NEO1: variants seen among roughly 807,000 people sequenced by gnomAD.
NEO1 encodes the protein neogenin.
A neutral mutation model predicts 159.7 loss-of-function variants in NEO1; 63 were observed. The ratio of observed to expected loss-of-function variants is 0.39; its 90% confidence interval spans 0.32 to 0.49. The LOEUF (loss-of-function observed/expected upper bound fraction) is 0.49, where lower values mean the gene tolerates loss of function less well. Among genes scored for constraint, NEO1 ranks in the 20% least tolerant of loss-of-function variants. The probability of loss-of-function intolerance (pLI) is 0.85; values close to 1 mark genes in which losing one functional copy is unlikely to be tolerated. For missense variants in NEO1, 1,615 were observed against 1,831.0 expected, an observed-to-expected ratio of 0.88 and a Z score of 2.15; for synonymous variants, 633 against 662.0, an observed-to-expected ratio of 0.96 and a Z score of 0.67.
chr15:73,284,340 T>C (rs944799161), intron 23 of NEO1, among the ~76,000 whole-genome samples: 3 of 152,210 alleles, frequency 2.0e-5, no homozygotes, highest in Non-Finnish European at 4.4e-5. Flanking sequence ...AAGGCAAGAA[T>C]GCATGTATTT....
At chr15:73,236,647 T>G in intron 8 of NEO1, 141 bp downstream of exon 8, 1 of 734,384 alleles carries the variant, frequency 1.4e-6, no homozygotes, top group Non-Finnish European at 2.3e-6. Flanking sequence ...TAATTTTAGG[T>G]CATTAAATAA....
intron 1 of NEO1, among the ~76,000 whole-genome samples, chr15:73,109,363 G>C (rs1333865915): frequency 6.6e-6 from 1 of 152,120 alleles, no homozygotes; most frequent in Admixed American, 6.6e-5. Context: ...TTTGATGGGG[G>C]AGAAAATGTT....
intron 4 of NEO1, among the ~76,000 whole-genome samples, chr15:73,134,763 C>T (rs555960674): frequency 1.3e-5 from 2 of 151,962 alleles, no homozygotes; most frequent in Non-Finnish European, 2.9e-5. Context: ...AATCCCAGCA[C>T]TTTGGGAGGC....
At chr15:73,129,412 A>T (rs1027948899) in intron 4 of NEO1, among the ~76,000 whole-genome samples, 2 of 152,232 alleles carry the variant, frequency 1.3e-5, no homozygotes, top group African/African-American at 4.8e-5. Flanking sequence ...AAAAAAAAAG[A>T]TCTTAAATAA....
chr15:73,095,834 A>G (rs2069994316), intron 1 of NEO1, among the ~76,000 whole-genome samples: 1 of 152,214 alleles, frequency 6.6e-6, no homozygotes, highest in African/African-American at 2.4e-5. Flanking sequence ...ATTTCTTTAC[A>G]TCAAAATAAA....
chr15:73,094,495 A>G (rs978854484), intron 1 of NEO1, among the ~76,000 whole-genome samples: 2 of 152,174 alleles, frequency 1.3e-5, no homozygotes, highest in Non-Finnish European at 2.9e-5. Context: ...GCGTGTTTAT[A>G]CCTTTTGGCT....
At chr15:73,203,537 T>C (rs1158917649) in intron 7 of NEO1, among the ~76,000 whole-genome samples, 2 of 152,170 alleles carry the variant, frequency 1.3e-5, no homozygotes, top group Non-Finnish European at 2.9e-5. Context: ...GCATTGGTTA[T>C]TGGTTTCTTT....
chr15:73,277,967 C>A (rs1240634442), intron 21 of NEO1, among the ~76,000 whole-genome samples, 164 bp from the exon 22 acceptor site: 2 of 152,188 alleles, frequency 1.3e-5, no homozygotes, highest in Non-Finnish European at 2.9e-5. Flanking sequence ...AGTTTGCTTT[C>A]CACACATAGA....
chr15:73,185,293 A>T (rs1483872836), intron 7 of NEO1, among the ~76,000 whole-genome samples: 5 of 152,198 alleles, frequency 3.3e-5, no homozygotes, highest in African/African-American at 1.2e-4. Flanking sequence ...GGTGATAATG[A>T]TGTCTCAATA....
intron 16 of NEO1, 133 bp from the exon 17 acceptor site, chr15:73,269,877 A>G (rs916168079): frequency 2.2e-5 from 16 of 737,228 alleles, no homozygotes; most frequent in Non-Finnish European, 2.5e-5. Context: ...GTGGTTATCT[A>G]TTAACTCTGA....
chr15:73,208,085 A>G (rs1055480846), intron 7 of NEO1, among the ~76,000 whole-genome samples: 2 of 152,272 alleles, frequency 1.3e-5, no homozygotes, highest in African/African-American at 4.8e-5. Flanking sequence ...AATAAAATGG[A>G]TTACAATATG....
chr15:73,213,457 T>G (rs781673025), intron 7 of NEO1, among the ~76,000 whole-genome samples: 6 of 152,134 alleles, frequency 3.9e-5, no homozygotes, highest in Non-Finnish European at 7.4e-5. Flanking sequence ...AAAGTCCATA[T>G]CATTCTTAAT....
At chr15:73,106,867 C>A (rs894888337) in intron 1 of NEO1, among the ~76,000 whole-genome samples, 2 of 152,166 alleles carry the variant, frequency 1.3e-5, no homozygotes, top group African/African-American at 4.8e-5. Context: ...TATCATTATG[C>A]CTTTAGACTT....
intron 7 of NEO1, 82 bp from the exon 8 acceptor site, chr15:73,236,265 C>T (rs1278464054): frequency 1.2e-6 from 2 of 1,600,998 alleles, no homozygotes; most frequent in Admixed American, 1.7e-5. Flanking sequence ...CTTCATATTC[C>T]CCAATGTTTG....
At position 73,080,555 on chromosome 15, in the gene NEO1, A is replaced by G. The variant is rs140497816; in HGVS notation, c.130+27750A>G. On this transcript the variant is annotated intron_variant, in intron 1 of 28. Coordinates refer to ENST00000261908, the MANE Select transcript of NEO1 (RefSeq NM_002499.4). Reference sequence around the variant, plus strand: ...TTTTTTTCTTCAAAAAGGCCCTCAAATTATATATGCTTCAAATTTCACAAA... The same window carrying G: ...TTTTTTTCTTCAAAAAGGCCCTCAAGTTATATATGCTTCAAATTTCACAAA... Among the ~76,000 whole-genome samples the G allele has an allele frequency of 3.4e-3, 514 of 152,152 alleles. 4 individuals are homozygous for G. The highest frequency in any genetic ancestry group is 0.012 in the African/African-American group (482 of 41,482).
At position 73,191,834 on chromosome 15, in the gene NEO1, A is replaced by G. The variant is rs1364290791; in HGVS notation, c.1291+13407A>G. On this transcript the variant is annotated intron_variant, in intron 7 of 28. Transcript: ENST00000261908. ...TAAGAATACATAATTGACTGAAATA[A>G]AAGTAAATTTACTTTTTAACCCTTC... Among the ~76,000 whole-genome samples the G allele has an allele frequency of 2.0e-5, 3 of 152,086 alleles. No individual in the cohort carries two copies. The East Asian group carries it at 5.8e-4, about 29-fold the overall frequency.
intron 9 of NEO1, among the ~76,000 whole-genome samples, chr15:73,247,161 T>A (rs2039837775): frequency 6.6e-6 from 1 of 152,220 alleles, no homozygotes; most frequent in Non-Finnish European, 1.5e-5. Flanking sequence ...TAACATGTTT[T>A]GGCAAAAGAG....
At chr15:73,255,601 G>A (rs1050954766) in intron 13 of NEO1, 4 of 152,184 alleles carry the variant, frequency 2.6e-5, no homozygotes, top group Admixed American at 1.3e-4. Context: ...TTGTTCCATT[G>A]GGTTTTCATA....
intron 4 of NEO1, among the ~76,000 whole-genome samples, chr15:73,127,048 G>A (rs973026110): frequency 1.3e-5 from 2 of 151,974 alleles, no homozygotes; most frequent in Admixed American, 6.6e-5. Flanking sequence ...TGGCTAACAC[G>A]GTGAAACCCC....
Sources: gnomAD v4.1 joint callset for allele counts (sites outside exome capture counted in the v4.1 genomes callset) on GRCh38, gnomAD v4.1.1 for gene constraint, MANE v1.5 for transcripts, NCBI Gene and HGNC (gene_info 2026-07-23, HGNC 2026-07-21) for gene names.